The following CCSER2 variants were observed in gnomAD, a reference collection of about 807,000 sequenced individuals.
CCSER2 encodes the protein serine-rich coiled-coil domain-containing protein 2.
A neutral mutation model predicts 92.3 loss-of-function variants in CCSER2; 46 were observed. That is an observed-to-expected ratio of 0.50 (90% confidence interval 0.39 to 0.64). The LOEUF (loss-of-function observed/expected upper bound fraction) is 0.64, where lower values mean the gene tolerates loss of function less well. Among genes scored for constraint, CCSER2 ranks in the 30% least tolerant of loss-of-function variants. The probability of loss-of-function intolerance (pLI) is 0.00; values close to 1 mark genes in which losing one functional copy is unlikely to be tolerated. For synonymous variants in CCSER2, 433 were observed against 431.4 expected, an observed-to-expected ratio of 1.00 and a Z score of -0.04; for missense variants, 1,244 against 1,238.9, an observed-to-expected ratio of 1.00 and a Z score of -0.06.
At chr10:84,404,338 A>G (rs188345676) in intron 3 of CCSER2, among the ~76,000 whole-genome samples, 6 of 152,282 alleles carry the variant, frequency 3.9e-5, no homozygotes, top group East Asian at 1.9e-4. Context: ...CTTACTAACA[A>G]AGTTGTTTAA....
intron 9 of CCSER2, among the ~76,000 whole-genome samples, chr10:84,495,774 T>G (rs1302174317): frequency 1.5e-5 from 2 of 132,826 alleles, no homozygotes; most frequent in Non-Finnish European, 3.5e-5. Flanking sequence ...AAATTTCTTT[T>G]GTTTTTTTTT....
intron 9 of CCSER2, among the ~76,000 whole-genome samples, chr10:84,498,703 C>A (rs1454249473): frequency 6.6e-6 from 1 of 152,092 alleles, no homozygotes; most frequent in Non-Finnish European, 1.5e-5. Context: ...TACATAATTT[C>A]TTTTGCAGAT....
At chr10:84,495,393 G>GT (rs1214039401) in intron 9 of CCSER2, among the ~76,000 whole-genome samples, 1 of 152,088 alleles carries the variant, frequency 6.6e-6, no homozygotes, top group Non-Finnish European at 1.5e-5. Flanking sequence ...GTCTGTCTTG[G>GT]TAAATGTTCT....
chr10:84,445,651 A>G (rs1200064762), intron 6 of CCSER2, among the ~76,000 whole-genome samples: 1 of 152,354 alleles, frequency 6.6e-6, no homozygotes, highest in African/African-American at 2.4e-5. Flanking sequence ...ATGGTGGCCA[A>G]TGGATTTCTG....
chr10:84,479,311 A>G (rs371498034), intron 9 of CCSER2, among the ~76,000 whole-genome samples: 1 of 152,258 alleles, frequency 6.6e-6, no homozygotes, highest in South Asian at 2.1e-4. Context: ...TGGCTGAGCT[A>G]GTACTATAAC....
At chr10:84,385,034 C>CACACACACACA (rs61236890) in intron 3 of CCSER2, among the ~76,000 whole-genome samples, 6 of 151,422 alleles carry the variant, frequency 4.0e-5, no homozygotes, top group East Asian at 1.9e-4. Flanking sequence ...CACACACACA[C>CACACACACACA]CCAGGAATAC....
intron 1 of CCSER2, among the ~76,000 whole-genome samples, chr10:84,348,076 C>T (rs868713601): frequency 4.6e-5 from 7 of 152,346 alleles, no homozygotes; most frequent in East Asian, 3.9e-4. Flanking sequence ...GCTGCAATCT[C>T]GGCACTTTGG....
chr10:84,382,345 G>A (rs1237881188), intron 3 of CCSER2, among the ~76,000 whole-genome samples: 1 of 152,144 alleles, frequency 6.6e-6, no homozygotes, highest in East Asian at 1.9e-4. Flanking sequence ...TAGAGGAGTT[G>A]AGTAAATTGG....
At chr10:84,458,469 C>CTGGA (rs1845905689) in intron 6 of CCSER2, among the ~76,000 whole-genome samples, 1 of 152,166 alleles carries the variant, frequency 6.6e-6, no homozygotes, top group African/African-American at 2.4e-5. Context: ...TAGTGTGACT[C>CTGGA]TTCCAACTTT....
chr10:84,383,117 C>T (rs1841003218), intron 3 of CCSER2, among the ~76,000 whole-genome samples: 1 of 152,098 alleles, frequency 6.6e-6, no homozygotes, highest in Non-Finnish European at 1.5e-5. Flanking sequence ...TTTGGAATTT[C>T]TCTAGTCCAA....
intron 1 of CCSER2, among the ~76,000 whole-genome samples, chr10:84,331,516 G>C (rs1335555585): frequency 6.6e-6 from 1 of 152,162 alleles, no homozygotes; most frequent in Non-Finnish European, 1.5e-5. Flanking sequence ...AGTTTTGATG[G>C]TACAATGAGA....
At chr10:84,494,083 T>C (rs1848314161) in intron 9 of CCSER2, among the ~76,000 whole-genome samples, 1 of 152,196 alleles carries the variant, frequency 6.6e-6, no homozygotes, top group African/African-American at 2.4e-5. Flanking sequence ...ATGCAAGCAG[T>C]GGGCAGTAGC....
At chr10:84,496,739 T>TG in intron 9 of CCSER2, among the ~76,000 whole-genome samples, 1 of 152,266 alleles carries the variant, frequency 6.6e-6, no homozygotes, top group South Asian at 2.1e-4. Context: ...AATTTTTTTT[T>TG]TGTGTGTGTT....
intron 9 of CCSER2, among the ~76,000 whole-genome samples, chr10:84,486,256 T>C (rs1010878314): frequency 1.2e-4 from 18 of 152,180 alleles, no homozygotes; most frequent in Non-Finnish European, 2.1e-4. Flanking sequence ...TGGGTATATA[T>C]CCAGTAATGG....
intron 5 of CCSER2, among the ~76,000 whole-genome samples, chr10:84,432,929 A>G (rs1309169138): frequency 1.3e-5 from 2 of 152,116 alleles, no homozygotes; most frequent in Admixed American, 6.5e-5. Context: ...TTGTTTGTAG[A>G]TGTCCATTTC....
intron 9 of CCSER2, among the ~76,000 whole-genome samples, chr10:84,508,599 C>G (rs1849190561): frequency 6.6e-6 from 1 of 152,110 alleles, no homozygotes; most frequent in Non-Finnish European, 1.5e-5. Context: ...AAAGTTCTCT[C>G]TAAACTTGCA....
At chr10:84,474,442 C>T (rs954765274) in intron 8 of CCSER2, among the ~76,000 whole-genome samples, 1 of 152,036 alleles carries the variant, frequency 6.6e-6, no homozygotes, top group Non-Finnish European at 1.5e-5. Flanking sequence ...AGGCAGATCA[C>T]CTGAGGTCAG....
intron 3 of CCSER2, chr10:84,391,995 G>A (rs1293246306): frequency 7.5e-7 from 1 of 1,332,006 alleles, no homozygotes; most frequent in Non-Finnish European, 1.1e-6. Context: ...GCATTTCTCT[G>A]ACCAGTTTCC....
In CCSER2 at chr10:84,344,522, T is replaced by C. The variant is rs17103366; in HGVS notation, c.-40+15714T>C. ...TGGACATTACCTTGGAAAATCTATT[T>C]GAGTACTCTGTATTATAGCATTTTG... On this transcript the variant is annotated intron_variant, in intron 1 of 9. Transcript: ENST00000372088. Among the ~76,000 whole-genome samples, 605 of 152,360 alleles carry C rather than the reference T, an allele frequency of 4.0e-3. 5 individuals are homozygous for C. Among genetic ancestry groups the C allele is most frequent in the African/African-American group, 0.014 (568 of 41,586 alleles).
Sources: gnomAD v4.1 joint callset for allele counts (sites outside exome capture counted in the v4.1 genomes callset) on GRCh38, gnomAD v4.1.1 for gene constraint, MANE v1.5 for transcripts, NCBI Gene and HGNC (gene_info 2026-07-23, HGNC 2026-07-21) for gene names.